The following FRAS1 variants were observed in gnomAD, a reference collection of about 807,000 sequenced individuals.
The protein encoded by FRAS1 is Fraser extracellular matrix complex subunit 1, also known as extracellular matrix organizing protein FRAS1.
In FRAS1, 290 loss-of-function variants were observed where a neutral mutation model predicts 435.2. The observed-to-expected ratio is 0.67, with a 90% CI of 0.61 to 0.73. FRAS1 has a LOEUF of 0.73. FRAS1 is among the 30% of genes least tolerant of loss of function. The pLI is 0.00. For synonymous variants in FRAS1, 1,800 were observed against 1,851.0 expected, an observed-to-expected ratio of 0.97 and a Z score of 0.71; for missense variants, 4,860 against 5,001.5, an observed-to-expected ratio of 0.97 and a Z score of 0.85.
At chr4:78,083,162 T>G (rs774314703) in intron 2 of FRAS1, among the ~76,000 whole-genome samples, 2 of 152,158 alleles carry the variant, frequency 1.3e-5, no homozygotes, top group Non-Finnish European at 2.9e-5. Flanking sequence ...GGCTTCATGC[T>G]GCAGGGGTAT....
intron 2 of FRAS1, among the ~76,000 whole-genome samples, chr4:78,160,538 A>G (rs564186298): frequency 1.3e-5 from 2 of 152,196 alleles, no homozygotes; most frequent in South Asian, 4.1e-4. Context: ...TGCCCCTACA[A>G]TGCTGTTTTT....
At chr4:78,311,538 A>C (rs1262367216) in intron 15 of FRAS1, among the ~76,000 whole-genome samples, 2 of 152,154 alleles carry the variant, frequency 1.3e-5, no homozygotes, top group African/African-American at 2.4e-5. Context: ...ACAGCCTCAA[A>C]TGTGTTCCTT....
At chr4:78,065,430 C>A (rs1429312500) in intron 1 of FRAS1, among the ~76,000 whole-genome samples, 2 of 151,816 alleles carry the variant, frequency 1.3e-5, no homozygotes, top group Non-Finnish European at 2.9e-5. Flanking sequence ...GATGTAGGCA[C>A]AAAATGCTAG....
At position 78,371,084 on chromosome 4, in the gene FRAS1, T is replaced by G. The variant is rs76700845; in HGVS notation, c.2869+1100T>G. On this transcript the variant is annotated intron_variant, in intron 23 of 73. Transcript: ENST00000512123. Reference sequence around the variant, plus strand: ...TCGAGACCACAGAATTTTTTTTCTGTTTTTTTGTTTTTTTTTTTTTTTGCC... The same window carrying G: ...TCGAGACCACAGAATTTTTTTTCTGGTTTTTTGTTTTTTTTTTTTTTTGCC... Among the ~76,000 whole-genome samples, 136 of 102,684 alleles carry G rather than the reference T, an allele frequency of 1.3e-3. 1 individual carries two copies. In the East Asian group the frequency reaches 0.015, roughly 11 times the overall value. 67.4% of individuals were successfully genotyped at this position (102,684 alleles called of 152,430 possible). A position where few individuals can be genotyped will look rare whatever the true frequency, so the allele number is the denominator to read the frequency against.
At position 78,424,420 on chromosome 4, in the gene FRAS1, GGTAAAGATTCAT is replaced by G; in HGVS notation, c.4711+1_4711+12del. On this transcript the variant is annotated splice_donor_variant and splice_donor_5th_base_variant and intron_variant, in intron 35 of 73. Transcript: ENST00000512123. LOFTEE classifies it high-confidence loss of function. ...AGAATCAGTGAAATTCCACTTCACA[GGTAAAGATTCAT>G]CTAAATTTTACTAGAAAGTGAAATT... 7.0e-7 allele frequency: 1 copy of G among 1,430,800 alleles called. No homozygotes were observed. Among genetic ancestry groups the G allele is most frequent in the Non-Finnish European group, 9.3e-7 (1 of 1,079,432 alleles). 88.6% of individuals were successfully genotyped at this position (1,430,800 alleles called of 1,614,324 possible).
intron 2 of FRAS1, chr4:78,181,530 C>G (rs564311795): frequency 6.2e-7 from 1 of 1,611,646 alleles, no homozygotes; most frequent in African/African-American, 1.3e-5. Context: ...CCACGGCCCC[C>G]TCGACCTCTT....
intron 5 of FRAS1, among the ~76,000 whole-genome samples, chr4:78,253,851 T>C (rs1725663167): frequency 6.7e-6 from 1 of 150,294 alleles, no homozygotes; most frequent in South Asian, 2.2e-4. Context: ...TTTTGCCTCC[T>C]TAGTGGACAG....
At chr4:78,208,012 A>G (rs1029782752) in intron 2 of FRAS1, among the ~76,000 whole-genome samples, 4 of 152,174 alleles carry the variant, frequency 2.6e-5, no homozygotes, top group African/African-American at 4.8e-5. Context: ...GAGGGAACCC[A>G]CATACCCTCT....
chr4:78,267,545 T>G (rs1329962638), intron 9 of FRAS1, 113 bp downstream of exon 9: 1 of 924,230 alleles, frequency 1.1e-6, no homozygotes, highest in African/African-American at 1.7e-5. Flanking sequence ...CACATTGACT[T>G]CTCACACTTC....
At chr4:78,166,578 C>T (rs917561839) in intron 2 of FRAS1, among the ~76,000 whole-genome samples, 8 of 152,162 alleles carry the variant, frequency 5.3e-5, no homozygotes, top group Non-Finnish European at 7.4e-5. Context: ...TTACTATAGA[C>T]GTTTAGTAAA....
At chr4:78,270,696 C>T (rs1726632371) in intron 9 of FRAS1, among the ~76,000 whole-genome samples, 1 of 152,032 alleles carries the variant, frequency 6.6e-6, no homozygotes, top group Admixed American at 6.6e-5. Context: ...CATAGTCAGT[C>T]TTGTTTCAAA....
rs554022219 is a variant in FRAS1, at chr4:78,173,679, C to T, written c.109-63831C>T. Among the ~76,000 whole-genome samples, 4 of 152,314 alleles carry T rather than the reference C, an allele frequency of 2.6e-5. No homozygotes were observed. In the South Asian group the frequency reaches 6.2e-4, roughly 24 times the overall value. Reference sequence around the variant, plus strand: ...GCTTCACTCATTCTTACTCAACTCACGTCTTTCTATAAGGTGCATAAAGTT... The same window carrying T: ...GCTTCACTCATTCTTACTCAACTCATGTCTTTCTATAAGGTGCATAAAGTT... On this transcript the variant is annotated intron_variant, in intron 2 of 73. Transcript: ENST00000512123.
intron 2 of FRAS1, among the ~76,000 whole-genome samples, chr4:78,202,110 C>T (rs1360812382): frequency 6.6e-6 from 1 of 152,144 alleles, no homozygotes; most frequent in Non-Finnish European, 1.5e-5. Flanking sequence ...TTACTGTGCA[C>T]AGGACAGCCC....
chr4:78,303,266 T>C (rs1728517444), intron 14 of FRAS1, among the ~76,000 whole-genome samples: 1 of 152,198 alleles, frequency 6.6e-6, no homozygotes, highest in Non-Finnish European at 1.5e-5. Context: ...TGTAGCCTTG[T>C]AGTATAGTTT....
intron 29 of FRAS1, among the ~76,000 whole-genome samples, chr4:78,395,730 T>G (rs2110340044): frequency 6.6e-6 from 1 of 152,228 alleles, no homozygotes; most frequent in Non-Finnish European, 1.5e-5. Context: ...CCTTTCACTT[T>G]CAGCCTATAT....
chr4:78,413,634 A>G (rs1316984597), intron 32 of FRAS1, among the ~76,000 whole-genome samples: 1 of 152,252 alleles, frequency 6.6e-6, no homozygotes, highest in Admixed American at 6.5e-5. Context: ...AAAAGAGCAC[A>G]TGGAAAGACC....
chr4:78,471,571 T>C (rs938529406), intron 51 of FRAS1, among the ~76,000 whole-genome samples: 1 of 152,168 alleles, frequency 6.6e-6, no homozygotes, highest in African/African-American at 2.4e-5. Context: ...CAGAGACCAA[T>C]TATCTGTCTT....
intron 53 of FRAS1, among the ~76,000 whole-genome samples, chr4:78,474,945 T>C (rs569333764): frequency 6.6e-6 from 1 of 152,358 alleles, no homozygotes; most frequent in East Asian, 1.9e-4. Context: ...ACATCTCTGT[T>C]ATGTAGGCTT....
chr4:78,060,350 A>T (rs376159915), intron 1 of FRAS1, among the ~76,000 whole-genome samples: 2 of 152,318 alleles, frequency 1.3e-5, no homozygotes, highest in East Asian at 1.9e-4. Flanking sequence ...AATTTTTAAA[A>T]ATAGAAAAGA....
Sources: allele counts gnomAD v4.1 joint callset (sites outside exome capture counted in the v4.1 genomes callset), GRCh38; gene constraint gnomAD v4.1.1; transcripts MANE v1.5; gene names NCBI Gene and HGNC (gene_info 2026-07-23, HGNC 2026-07-21).